PDE7B: variants seen among roughly 807,000 people sequenced by gnomAD.
The protein encoded by PDE7B is phosphodiesterase 7B.
In PDE7B, 29 loss-of-function variants were observed where a neutral mutation model predicts 56.2. The observed-to-expected ratio is 0.52, with a 90% confidence interval of 0.38 to 0.70. The LOEUF (loss-of-function observed/expected upper bound fraction) is 0.70, where lower values mean the gene tolerates loss of function less well. PDE7B is among the 30% of genes least tolerant of loss of function. The pLI is 0.00. For synonymous variants in PDE7B, 197 were observed against 196.9 expected (o/e 1.00, Z 0.00); for missense variants, 490 against 565.0 (o/e 0.87, Z 1.35).
At chr6:135,916,114 A>T (rs907159834) in intron 1 of PDE7B, among the ~76,000 whole-genome samples, 15 of 152,182 alleles carry the variant, frequency 9.9e-5, no homozygotes, top group Non-Finnish European at 2.1e-4. Flanking sequence ...TTATCTTTAT[A>T]AAAGGTCACC....
intron 2 of PDE7B, among the ~76,000 whole-genome samples, chr6:136,006,120 CTG>C (rs1775776860): frequency 6.8e-6 from 1 of 146,832 alleles, no homozygotes; most frequent in African/African-American, 2.5e-5. Flanking sequence ...AAACCAAACA[CTG>C]CATGTTCTCA....
At chr6:136,151,301 G>A (rs4896201) in intron 6 of PDE7B, 46 bp downstream of exon 6, 396,213 of 932,120 alleles carry the variant, frequency 0.43, 86,342 homozygotes, top group Admixed American at 0.56. Context: ...CTTGAATAAT[G>A]GCAATGCATA....
At chr6:135,971,010 TG>T (rs1466789042) in intron 2 of PDE7B, among the ~76,000 whole-genome samples, 1 of 151,910 alleles carries the variant, frequency 6.6e-6, no homozygotes, top group Non-Finnish European at 1.5e-5. Context: ...GCAGAGCAGG[TG>T]GGGGTATGGA....
intron 2 of PDE7B, among the ~76,000 whole-genome samples, chr6:136,079,758 T>C (rs932440000): frequency 4.7e-5 from 7 of 149,638 alleles, no homozygotes; most frequent in Non-Finnish European, 1.0e-4. Flanking sequence ...ACTTTCCCAC[T>C]GTTTCCAGTG....
intron 2 of PDE7B, among the ~76,000 whole-genome samples, chr6:135,964,341 G>A (rs1234403543): frequency 6.6e-6 from 1 of 152,130 alleles, no homozygotes. Context: ...CTGACCTCAG[G>A]TGATCTGCCT....
At chr6:136,064,487 A>G (rs907945639) in intron 2 of PDE7B, 9 of 152,198 alleles carry the variant, frequency 5.9e-5, no homozygotes, top group African/African-American at 1.9e-4. Flanking sequence ...GTGTTCTCAA[A>G]TGTGGGGCCT....
At chr6:135,965,759 A>G (rs937023791) in intron 2 of PDE7B, among the ~76,000 whole-genome samples, 4 of 152,140 alleles carry the variant, frequency 2.6e-5, no homozygotes, top group African/African-American at 7.2e-5. Flanking sequence ...GTTCAAAATG[A>G]GATTTGAGTG....
intron 2 of PDE7B, among the ~76,000 whole-genome samples, chr6:136,000,298 G>C (rs1039467523): frequency 6.6e-6 from 1 of 152,070 alleles, no homozygotes; most frequent in African/African-American, 2.4e-5. Context: ...AATTGCTTTT[G>C]GTGTCTTTGT....
At chr6:136,063,033 A>G (rs1031494901) in intron 2 of PDE7B, among the ~76,000 whole-genome samples, 1 of 152,240 alleles carries the variant, frequency 6.6e-6, no homozygotes, top group South Asian at 2.1e-4. Flanking sequence ...ATTGAGAGAC[A>G]ACAATAAATA....
chr6:136,083,383 GACT>G (rs1268089127), intron 2 of PDE7B, among the ~76,000 whole-genome samples: 2 of 152,240 alleles, frequency 1.3e-5, no homozygotes, highest in East Asian at 3.9e-4. Context: ...ATGTGCGCAT[GACT>G]ACTTGCATCT....
intron 1 of PDE7B, among the ~76,000 whole-genome samples, chr6:135,905,202 A>C (rs1180819491): frequency 1.3e-5 from 2 of 152,194 alleles, no homozygotes; most frequent in East Asian, 3.8e-4. Context: ...TGCCACTAAC[A>C]TATTTGAGAG....
intron 2 of PDE7B, among the ~76,000 whole-genome samples, chr6:136,101,067 T>C (rs1777553149): frequency 6.6e-6 from 1 of 152,230 alleles, no homozygotes; most frequent in Non-Finnish European, 1.5e-5. Context: ...GGATTACATT[T>C]ATTGATTTGC....
intron 1 of PDE7B, among the ~76,000 whole-genome samples, chr6:135,872,923 T>A (rs1234559804): frequency 2.6e-5 from 4 of 152,182 alleles, no homozygotes; most frequent in Non-Finnish European, 5.9e-5. Context: ...TTTCTCCACA[T>A]CCAAATCTTT....
At chr6:136,185,812 G>C (rs1779136645) in intron 11 of PDE7B, among the ~76,000 whole-genome samples, 1 of 152,036 alleles carries the variant, frequency 6.6e-6, no homozygotes, top group Non-Finnish European at 1.5e-5. Flanking sequence ...AAAATGCTTA[G>C]AACGTGCCTG....
intron 1 of PDE7B, among the ~76,000 whole-genome samples, chr6:135,870,449 T>G (rs1240692431): frequency 2.0e-5 from 3 of 151,976 alleles, no homozygotes; most frequent in Admixed American, 6.6e-5. Context: ...TGTGTGTGTG[T>G]GTGCACACAG....
chr6:136,071,487 T>G lies in PDE7B; in HGVS notation c.83-37244T>G, dbSNP rs1346042205. 3.3e-5 allele frequency among the ~76,000 whole-genome samples: 5 copies of G among 152,168 alleles called. No individual in the cohort carries two copies. The East Asian group carries it at 7.7e-4, about 23-fold the overall frequency. On this transcript the variant is annotated intron_variant, in intron 2 of 12. Transcript: ENST00000308191. ...AAACACACACACACGTGTGTATACATAAGTTTAATTCTGAAGTATTGAGAA... is the reference window on the plus strand; with the variant it reads ...AAACACACACACACGTGTGTATACAGAAGTTTAATTCTGAAGTATTGAGAA...
At chr6:135,919,715 G>A (rs1774029620) in intron 1 of PDE7B, among the ~76,000 whole-genome samples, 1 of 152,196 alleles carries the variant, frequency 6.6e-6, no homozygotes, top group African/African-American at 2.4e-5. Flanking sequence ...CTAACCAAAT[G>A]ACTTTGAGCA....
chr6:135,961,541 C>G (rs887337830), intron 2 of PDE7B, among the ~76,000 whole-genome samples: 13 of 152,014 alleles, frequency 8.6e-5, no homozygotes, highest in Non-Finnish European at 2.9e-5. Flanking sequence ...GTGTTACCAT[C>G]AGGTTGATGA....
chr6:135,882,836 A>G (rs1775633473), intron 1 of PDE7B, among the ~76,000 whole-genome samples: 1 of 152,172 alleles, frequency 6.6e-6, no homozygotes, highest in Non-Finnish European at 1.5e-5. Flanking sequence ...TGGAGACCTG[A>G]ATATTTCACT....
Sources: gnomAD v4.1 joint callset for allele counts (sites outside exome capture counted in the v4.1 genomes callset) on GRCh38, gnomAD v4.1.1 for gene constraint, MANE v1.5 for transcripts, NCBI Gene and HGNC (gene_info 2026-07-23, HGNC 2026-07-21) for gene names.